NRXN3: variants seen among roughly 807,000 people sequenced by gnomAD.
NRXN3 encodes the protein neurexin III.
Under a neutral mutation model 137.6 loss-of-function variants are expected in NRXN3, and 32 were observed. The observed-to-expected ratio is 0.23, with a 90% CI of 0.18 to 0.31. The LOEUF (loss-of-function observed/expected upper bound fraction) is 0.31, where lower values mean the gene tolerates loss of function less well. Among genes scored for constraint, NRXN3 ranks in the 10% least tolerant of loss-of-function variants. The pLI is 1.00. For synonymous variants in NRXN3, 798 were observed against 784.5 expected (o/e 1.02, Z -0.29); for missense variants, 1,574 against 2,062.5 (o/e 0.76, Z 4.59).
intron 4 of NRXN3, among the ~76,000 whole-genome samples, chr14:78,429,370 C>A (rs752854777): frequency 1.3e-5 from 2 of 152,058 alleles, no homozygotes; most frequent in African/African-American, 2.4e-5. Context: ...TGAGCCACCA[C>A]GCCCAGTCAG....
intron 6 of NRXN3, among the ~76,000 whole-genome samples, chr14:78,683,117 T>C (rs2098091859): frequency 6.6e-6 from 1 of 152,128 alleles, no homozygotes. Context: ...CCAAAAAAAG[T>C]GAAAGATCTT....
chr14:79,389,277 CA>C (rs1339217268), intron 15 of NRXN3, among the ~76,000 whole-genome samples: 1 of 152,184 alleles, frequency 6.6e-6, no homozygotes, highest in Non-Finnish European at 1.5e-5. Flanking sequence ...TGGCATCTGG[CA>C]AAGGCTTTCT....
At chr14:79,404,645 G>A (rs1298318749) in intron 15 of NRXN3, among the ~76,000 whole-genome samples, 1 of 152,146 alleles carries the variant, frequency 6.6e-6, no homozygotes. Context: ...AACACACTGA[G>A]ATTTAAAAAT....
intron 16 of NRXN3, among the ~76,000 whole-genome samples, chr14:79,655,875 C>T (rs1277411139): frequency 1.3e-5 from 2 of 152,080 alleles, no homozygotes; most frequent in African/African-American, 4.8e-5. Context: ...GAAAGTGGTT[C>T]CTAAACTTTA....
chr14:78,276,679 T>A (rs2073645027), intron 2 of NRXN3, among the ~76,000 whole-genome samples: 1 of 152,194 alleles, frequency 6.6e-6, no homozygotes, highest in Non-Finnish European at 1.5e-5. Flanking sequence ...TGTCCGCCTC[T>A]GAAATTTAAG....
At chr14:78,847,807 C>G (rs1035039498) in intron 10 of NRXN3, among the ~76,000 whole-genome samples, 2 of 152,026 alleles carry the variant, frequency 1.3e-5, no homozygotes, top group Non-Finnish European at 2.9e-5. Flanking sequence ...TTTGGAGAAC[C>G]AGGTGTCAGC....
intron 15 of NRXN3, among the ~76,000 whole-genome samples, chr14:79,154,228 A>C (rs1166965715): frequency 6.6e-6 from 1 of 151,954 alleles, no homozygotes; most frequent in Admixed American, 6.6e-5. Context: ...CTCAAGGTGC[A>C]ACCCACATAA....
chr14:78,655,556 A>G (rs969604972), intron 6 of NRXN3, among the ~76,000 whole-genome samples: 2 of 152,190 alleles, frequency 1.3e-5, no homozygotes, highest in African/African-American at 2.4e-5. Flanking sequence ...TTTATTTGAC[A>G]CTATGTTTTC....
Position 78,438,728 on chromosome 14 carries a change from C to T in NRXN3, c.757+140868C>T, listed in dbSNP as rs573731865. Among the ~76,000 whole-genome samples, 5 of 151,938 alleles carry T rather than the reference C, an allele frequency of 3.3e-5. No homozygotes were observed. In the East Asian group the frequency reaches 5.8e-4, roughly 18 times the overall value. ...CTAGCCCCTGAGGGACAATAACACT[C>T]GAGGGCTAAGAACAGGAGCTAGTGA... On this transcript the variant is annotated intron_variant, in intron 4 of 20. Coordinates refer to ENST00000335750, the MANE Select transcript of NRXN3 (RefSeq NM_001330195.2).
intron 4 of NRXN3, among the ~76,000 whole-genome samples, chr14:78,625,777 C>T (rs1021694975): frequency 3.9e-5 from 6 of 152,174 alleles, no homozygotes; most frequent in Non-Finnish European, 8.8e-5. Context: ...GAGAAGGCAT[C>T]AATTGATGGA....
intron 10 of NRXN3, among the ~76,000 whole-genome samples, chr14:78,852,369 G>A (rs185595212): frequency 6.6e-6 from 1 of 152,240 alleles, no homozygotes. Flanking sequence ...AATTAACAAT[G>A]ATTATAAATT....
At chr14:78,406,110 G>A (rs1260055560) in intron 4 of NRXN3, among the ~76,000 whole-genome samples, 3 of 152,140 alleles carry the variant, frequency 2.0e-5, no homozygotes, top group Non-Finnish European at 4.4e-5. Context: ...GCATGCTAAG[G>A]GCTAGGAAGT....
chr14:78,653,821 A>C (rs764578592), intron 6 of NRXN3, among the ~76,000 whole-genome samples: 7 of 152,184 alleles, frequency 4.6e-5, no homozygotes, highest in Admixed American at 6.6e-5. Flanking sequence ...AGGTAAAGGC[A>C]GTTCTGAAAA....
At chr14:79,599,198 C>A (rs2097895782) in intron 16 of NRXN3, among the ~76,000 whole-genome samples, 1 of 152,150 alleles carries the variant, frequency 6.6e-6, no homozygotes, top group South Asian at 2.1e-4. Context: ...GAGCCACAAT[C>A]ATAACTACAG....
At chr14:79,259,709 T>TACACACAC (rs71131688) in intron 15 of NRXN3, among the ~76,000 whole-genome samples, 46 of 139,762 alleles carry the variant, frequency 3.3e-4, no homozygotes, top group African/African-American at 9.3e-4. Context: ...TATAGTTTTA[T>TACACACAC]ACACACACAC....
At chr14:78,896,619 A>G (rs1489412216) in intron 10 of NRXN3, among the ~76,000 whole-genome samples, 1 of 151,908 alleles carries the variant, frequency 6.6e-6, no homozygotes, top group African/African-American at 2.4e-5. Flanking sequence ...TTCACATGGC[A>G]GAGGGTAATA....
intron 4 of NRXN3, among the ~76,000 whole-genome samples, chr14:78,475,498 T>A (rs1328559245): frequency 6.6e-6 from 1 of 152,188 alleles, no homozygotes; most frequent in Non-Finnish European, 1.5e-5. Context: ...TCCTCTCACC[T>A]CTTCCCTCTT....
At chr14:79,557,565 G>A (rs573017035) in intron 16 of NRXN3, among the ~76,000 whole-genome samples, 16 of 152,214 alleles carry the variant, frequency 1.1e-4, no homozygotes, top group South Asian at 6.2e-4. Flanking sequence ...TAAAATTTAC[G>A]TTGACATTCT....
At position 79,709,468 on chromosome 14, in the gene NRXN3, G is replaced by A. The variant is rs138749196; in HGVS notation, c.4014+11531G>A. ...CCCTTACTTTACTGCATACCCCCAA[G>A]GCAGATGGAAAAAAACATAGGTAAA... On this transcript the variant is annotated intron_variant, in intron 19 of 20. Coordinates refer to ENST00000335750, the MANE Select transcript of NRXN3 (RefSeq NM_001330195.2). 2.3e-3 allele frequency among the ~76,000 whole-genome samples: 348 copies of A among 152,088 alleles called. 1 individual carries two copies. Among genetic ancestry groups the A allele is most frequent in the African/African-American group, 8.0e-3 (331 of 41,526 alleles).
Sources: allele counts gnomAD v4.1 joint callset (sites outside exome capture counted in the v4.1 genomes callset), GRCh38; gene constraint gnomAD v4.1.1; transcripts MANE v1.5; gene names NCBI Gene and HGNC (gene_info 2026-07-23, HGNC 2026-07-21).